GPHN: variants seen among roughly 807,000 people sequenced by gnomAD.
GPHN encodes the protein gephyrin.
GPHN carries 17 observed loss-of-function variants against 95.5 expected under a neutral mutation model. That is an observed-to-expected ratio of 0.18 (90% CI 0.12 to 0.27). GPHN has a LOEUF of 0.27. Ranked by LOEUF, GPHN falls within the 10% of genes least tolerant of loss-of-function variation. The probability of loss-of-function intolerance (pLI) is 1.00; values close to 1 mark genes in which losing one functional copy is unlikely to be tolerated. For synonymous variants in GPHN, 320 were observed against 322.5 expected (o/e 0.99, Z 0.08); for missense variants, 660 against 978.1 (o/e 0.67, Z 4.34).
At chr14:67,125,004 G>T (rs2079216227) in intron 17 of GPHN, among the ~76,000 whole-genome samples, 1 of 151,952 alleles carries the variant, frequency 6.6e-6, no homozygotes, top group Admixed American at 6.6e-5. Flanking sequence ...AATATACTTT[G>T]AAAACAGTAT....
the GPHN span, among the ~76,000 whole-genome samples, chr14:67,489,815 C>A: frequency 6.6e-6 from 1 of 152,106 alleles, no homozygotes; most frequent in East Asian, 1.9e-4. Context: ...ATGGTGAAAC[C>A]CCATCTCTAC....
chr14:67,638,673 T>C, the GPHN span, among the ~76,000 whole-genome samples: 1 of 152,248 alleles, frequency 6.6e-6, no homozygotes, highest in East Asian at 1.9e-4. Context: ...AAAACAGAGT[T>C]GGGAGCAGGA....
At chr14:66,579,842 T>C (rs7157828) in intron 1 of GPHN, among the ~76,000 whole-genome samples, 47,182 of 151,644 alleles carry the variant, frequency 0.31, 11,202 homozygotes, top group African/African-American at 0.64. Flanking sequence ...ATTTGATATG[T>C]GGACTTCAAT....
At chr14:67,369,903 C>T in the GPHN span, among the ~76,000 whole-genome samples, 1 of 152,232 alleles carries the variant, frequency 6.6e-6, no homozygotes, top group Non-Finnish European at 1.5e-5. Context: ...TAAAGACACA[C>T]ACACACAAAT....
At chr14:67,079,463 C>T (rs9323493) in intron 11 of GPHN, among the ~76,000 whole-genome samples, 49,390 of 151,950 alleles carry the variant, frequency 0.33, 12,728 homozygotes, top group African/African-American at 0.7. Context: ...TAGTCTACTT[C>T]CTGTTTCTAT....
chr14:67,365,900 A>T, the GPHN span, among the ~76,000 whole-genome samples: 3 of 152,056 alleles, frequency 2.0e-5, no homozygotes, highest in Non-Finnish European at 4.4e-5. Context: ...ATAGATTTTG[A>T]GGATGTCTTA....
At chr14:66,535,460 T>C (rs929973422) in intron 1 of GPHN, among the ~76,000 whole-genome samples, 1 of 152,132 alleles carries the variant, frequency 6.6e-6, no homozygotes. Flanking sequence ...CTATCCTTTG[T>C]GTTTCCATAT....
intron 10 of GPHN, among the ~76,000 whole-genome samples, chr14:67,055,984 C>T (rs2075546773): frequency 6.6e-6 from 1 of 152,200 alleles, no homozygotes; most frequent in African/African-American, 2.4e-5. Context: ...AGGAGTGAAG[C>T]TGCAGACCTT....
chr14:67,273,894 G>A, the GPHN span, among the ~76,000 whole-genome samples: 9 of 152,162 alleles, frequency 5.9e-5, no homozygotes, highest in African/African-American at 1.9e-4. Flanking sequence ...ATTTTTTCAT[G>A]TGTCTGTTGG....
At chr14:67,671,017 T>G in the GPHN span, among the ~76,000 whole-genome samples, 1 of 152,198 alleles carries the variant, frequency 6.6e-6, no homozygotes, top group Non-Finnish European at 1.5e-5. Context: ...TCTGAAAACT[T>G]TATGATGTGG....
intron 6 of GPHN, among the ~76,000 whole-genome samples, chr14:66,920,931 T>C (rs999164195): frequency 6.6e-6 from 1 of 152,222 alleles, no homozygotes; most frequent in Non-Finnish European, 1.5e-5. Flanking sequence ...TGTTAATTCA[T>C]TACTTTTTAT....
chr14:67,477,262 C>G, the GPHN span, among the ~76,000 whole-genome samples: 1 of 152,178 alleles, frequency 6.6e-6, no homozygotes, highest in Admixed American at 6.5e-5. Context: ...GACCTTGCCC[C>G]GATTGACATC....
chr14:67,188,370 A>G, the GPHN span, among the ~76,000 whole-genome samples: 2 of 152,144 alleles, frequency 1.3e-5, no homozygotes, highest in Non-Finnish European at 2.9e-5. Flanking sequence ...TTAATGTATC[A>G]GTAGCCTCAA....
At chr14:66,613,681 GT>G (rs1343022257) in intron 1 of GPHN, among the ~76,000 whole-genome samples, 5 of 152,090 alleles carry the variant, frequency 3.3e-5, no homozygotes, top group African/African-American at 1.2e-4. Context: ...GATTGTATAT[GT>G]TCTTATTTTT....
chr14:67,254,681 G>T, the GPHN span, among the ~76,000 whole-genome samples: 1 of 152,112 alleles, frequency 6.6e-6, no homozygotes, highest in Non-Finnish European at 1.5e-5. Flanking sequence ...ACTCTGAAAT[G>T]GTTATTTGGT....
intron 1 of GPHN, among the ~76,000 whole-genome samples, chr14:66,519,302 C>T (rs1024052690): frequency 6.6e-6 from 1 of 151,834 alleles, no homozygotes. Context: ...CTAGTGTTAA[C>T]CACTTAAAAA....
the GPHN span, chr14:67,332,741 G>A: frequency 6.4e-7 from 1 of 1,572,446 alleles, no homozygotes; most frequent in Non-Finnish European, 8.7e-7. Flanking sequence ...ATTTGGTTAG[G>A]AAAGGAATTA....
chr14:67,347,220 T>C, the GPHN span, among the ~76,000 whole-genome samples: 1 of 152,328 alleles, frequency 6.6e-6, no homozygotes, highest in African/African-American at 2.4e-5. Context: ...ATTACAGGCA[T>C]GAGCCATTGT....
intron 8 of GPHN, among the ~76,000 whole-genome samples, chr14:66,943,424 A>C (rs990870189): frequency 4.6e-5 from 7 of 152,240 alleles, no homozygotes; most frequent in Non-Finnish European, 1.0e-4. Context: ...AGATGCGGTT[A>C]GTACTACATG....
Sources: allele counts gnomAD v4.1 joint callset (sites outside exome capture counted in the v4.1 genomes callset), GRCh38; gene constraint gnomAD v4.1.1; transcripts MANE v1.5; gene names NCBI Gene and HGNC (gene_info 2026-07-23, HGNC 2026-07-21).